The following CD59 variants were observed in gnomAD, a reference collection of about 807,000 sequenced individuals.
The protein encoded by CD59 is CD59 glycoprotein.
A neutral mutation model predicts 7.0 loss-of-function variants in CD59; 3 were observed. The observed-to-expected ratio is 0.43, with a 90% CI of 0.19 to 1.10. The LOEUF is 1.10. CD59 is among the 50% of genes least tolerant of loss of function. The pLI is 0.29. For missense variants in CD59, 143 were observed against 151.0 expected, an observed-to-expected ratio of 0.95 and a Z score of 0.28; for synonymous variants, 60 against 62.0, an observed-to-expected ratio of 0.97 and a Z score of 0.15.
Position 33,708,893 on chromosome 11 carries a change from T to G in CD59, c.*1233A>C, listed in dbSNP as rs539451345. ...TTGTCCAACAGAGTATAATCAAGGG[T>G]TTTTTTTCAACATTAATCAAGAAAT... On this transcript the variant is annotated 3_prime_UTR_variant, in exon 4 of 4. Transcript: ENST00000642928. 7 of 151,970 alleles carry G rather than the reference T, an allele frequency of 4.6e-5. No individual in the cohort carries two copies. The South Asian group carries it at 8.3e-4, about 18-fold the overall frequency. The allele number at this position is 151,970 out of a possible 1,614,324, so 9.4% of individuals were successfully genotyped here. A position where few individuals can be genotyped will look rare whatever the true frequency, so the allele number is the denominator to read the frequency against.
chr11:33,717,323 A>C, intron 3 of CD59, 47 bp downstream of exon 3: 1 of 1,247,466 alleles, frequency 8.0e-7, no homozygotes, highest in Non-Finnish European at 1.2e-6. Context: ...TTTCCCAGGC[A>C]CTTATTACCC....
At chr11:33,711,880 A>G (rs1853575047) in intron 3 of CD59, among the ~76,000 whole-genome samples, 1 of 152,226 alleles carries the variant, frequency 6.6e-6, no homozygotes, top group East Asian at 1.9e-4. Context: ...AGGAAGTGGA[A>G]AAAATTGGAA....
chr11:33,724,577 A>G (rs1290312230), intron 1 of CD59, among the ~76,000 whole-genome samples: 1 of 152,168 alleles, frequency 6.6e-6, no homozygotes, highest in Non-Finnish European at 1.5e-5. Flanking sequence ...ACTCAGGAGT[A>G]ATGAGGTTAC....
Position 33,723,880 on chromosome 11 carries a change from A to G in CD59, c.-18-1417T>C, listed in dbSNP as rs540580437. Among the ~76,000 whole-genome samples the G allele has an allele frequency of 9.8e-5, 15 of 152,286 alleles. No homozygotes were observed. In the East Asian group the frequency reaches 2.7e-3, roughly 27 times the overall value. On this transcript the variant is annotated intron_variant, in intron 1 of 3. Coordinates refer to ENST00000642928, the MANE Select transcript of CD59 (RefSeq NM_000611.6). The stretch of plus-strand genomic sequence containing the variant: ...AACAGAGAGCTCCAGACACTTCCTA[A>G]AAGTTAAGCATAGCATGATCGGAGC...
chr11:33,716,531 G>C (rs897204025), intron 3 of CD59, among the ~76,000 whole-genome samples: 1 of 152,108 alleles, frequency 6.6e-6, no homozygotes, highest in South Asian at 2.1e-4. Context: ...GCCATTCCTC[G>C]CTGGCATCAT....
chr11:33,714,748 T>C (rs1044689853), intron 3 of CD59, among the ~76,000 whole-genome samples: 1 of 152,168 alleles, frequency 6.6e-6, no homozygotes, highest in Non-Finnish European at 1.5e-5. Context: ...TTGTTAAAAA[T>C]GAAGACACAA....
At chr11:33,722,797 G>A (rs1443222293) in intron 1 of CD59, 3 of 988,168 alleles carry the variant, frequency 3.0e-6, no homozygotes, top group Non-Finnish European at 3.9e-6. Context: ...CCAAGCTGCT[G>A]GCTGAAAGAG....
At chr11:33,728,251 C>T (rs150683504) in intron 1 of CD59, among the ~76,000 whole-genome samples, 5,415 of 152,206 alleles carry the variant, frequency 0.036, 237 homozygotes, top group East Asian at 0.18. Context: ...GGAGGCATCA[C>T]GCTACCTGAC....
At position 33,705,495 on chromosome 11, in the gene CD59, C is replaced by A. The variant is rs1853274405; in HGVS notation, c.*4631G>T. 6.6e-6 allele frequency: 1 copy of A among 152,266 alleles called. No individual in the cohort carries two copies. The allele number at this position is 152,266 out of a possible 1,614,324, so 9.4% of individuals were successfully genotyped here. A position where few individuals can be genotyped will look rare whatever the true frequency, so the allele number is the denominator to read the frequency against. ...TTCTGGCTTTCTTCCACTCTTCCTG[C>A]TCTTGGACATCAGACTCCAGGTTCT... On this transcript the variant is annotated 3_prime_UTR_variant, in exon 4 of 4. Coordinates refer to ENST00000642928, the MANE Select transcript of CD59 (RefSeq NM_000611.6).
chr11:33,734,412 A>G (rs1854505141), intron 1 of CD59, among the ~76,000 whole-genome samples: 1 of 152,200 alleles, frequency 6.6e-6, no homozygotes, highest in Non-Finnish European at 1.5e-5. Context: ...CTATCAACCC[A>G]TCACCTAGGT....
chr11:33,728,091 C>G (rs145935204), intron 1 of CD59, among the ~76,000 whole-genome samples: 1 of 152,110 alleles, frequency 6.6e-6, no homozygotes, highest in Admixed American at 6.5e-5. Context: ...AATGGCCACA[C>G]TGCCCAAAGT....
At position 33,703,192 on chromosome 11, in the gene CD59, G is replaced by A. The variant is rs1177290372; in HGVS notation, c.*6934C>T. The A allele has an allele frequency of 1.3e-5, 2 of 152,152 alleles. No individual in the cohort carries two copies. The highest frequency in any genetic ancestry group is 4.8e-5 in the African/African-American group (2 of 41,444). 9.4% of individuals were successfully genotyped at this position (152,152 alleles called of 1,614,324 possible). A position where few individuals can be genotyped will look rare whatever the true frequency, so the allele number is the denominator to read the frequency against. On this transcript the variant is annotated 3_prime_UTR_variant, in exon 4 of 4. Transcript: ENST00000642928. ...TAATCCATGAAGTTATAGCCAGGGG[G>A]TTAAATAAGAAGTTGATGACAAACT...
At chr11:33,712,815 CA>C (rs1853619773) in intron 3 of CD59, among the ~76,000 whole-genome samples, 1 of 152,146 alleles carries the variant, frequency 6.6e-6, no homozygotes, top group African/African-American at 2.4e-5. Flanking sequence ...AGATGCAGAA[CA>C]GTGTATAGAA....
chr11:33,731,635 G>A (rs1347679845), intron 1 of CD59, among the ~76,000 whole-genome samples: 1 of 152,200 alleles, frequency 6.6e-6, no homozygotes. Flanking sequence ...CAGCACTCAG[G>A]TGCTGCGTTT....
intron 1 of CD59, among the ~76,000 whole-genome samples, chr11:33,724,227 G>A (rs1854183131): frequency 6.6e-6 from 1 of 152,250 alleles, no homozygotes; most frequent in African/African-American, 2.4e-5. Flanking sequence ...GGCAGGAGCT[G>A]CCGGTTCAGG....
intron 2 of CD59, among the ~76,000 whole-genome samples, chr11:33,720,269 C>T (rs1257325434): frequency 6.6e-6 from 1 of 152,238 alleles, no homozygotes; most frequent in Non-Finnish European, 1.5e-5. Flanking sequence ...AGCCACACAG[C>T]TACTAAGTGA....
chr11:33,722,356 T>C, intron 2 of CD59, 23 bp downstream of exon 2: 2 of 1,559,426 alleles, frequency 1.3e-6, no homozygotes, highest in East Asian at 2.2e-5. Flanking sequence ...CCTAGATCCA[T>C]GTCCTGAGAC....
At chr11:33,731,733 G>A (rs1314383084) in intron 1 of CD59, among the ~76,000 whole-genome samples, 1 of 152,090 alleles carries the variant, frequency 6.6e-6, no homozygotes. Flanking sequence ...GGTTGGAAAT[G>A]TTTCTTCCAA....
At position 33,732,812 on chromosome 11, in the gene CD59, G is replaced by A. The variant is rs187867191; in HGVS notation, c.-19+3570C>T. The stretch of plus-strand genomic sequence containing the variant: ...ATGCCTCTCTTCCCCAAAAATGTCC[G>A]TATCCTAACTCCAGGAACCTGTGAA... On this transcript the variant is annotated intron_variant, in intron 1 of 3. Transcript: ENST00000642928. Among the ~76,000 whole-genome samples, 9 of 152,294 alleles carry A rather than the reference G, an allele frequency of 5.9e-5. No individual in the cohort carries two copies. In the South Asian group the frequency reaches 8.3e-4, roughly 14 times the overall value.
Sources: allele counts gnomAD v4.1 joint callset (sites outside exome capture counted in the v4.1 genomes callset), GRCh38; gene constraint gnomAD v4.1.1; transcripts MANE v1.5; gene names NCBI Gene and HGNC (gene_info 2026-07-23, HGNC 2026-07-21).